The following TNFRSF10D variants were observed in gnomAD, a reference collection of about 807,000 sequenced individuals.
TNFRSF10D encodes tumor necrosis factor receptor superfamily member 10D.
A neutral mutation model predicts 42.1 loss-of-function variants in TNFRSF10D; 28 were observed. The observed-to-expected ratio is 0.66, with a 90% confidence interval of 0.49 to 0.91. TNFRSF10D has a LOEUF of 0.91. Ranked by LOEUF, TNFRSF10D falls within the 40% of genes least tolerant of loss-of-function variation. The probability of loss-of-function intolerance (pLI) is 0.00; values close to 1 mark genes in which losing one functional copy is unlikely to be tolerated. For missense variants in TNFRSF10D, 503 were observed against 486.1 expected, an observed-to-expected ratio of 1.03 and a Z score of -0.33; for synonymous variants, 186 against 189.4, an observed-to-expected ratio of 0.98 and a Z score of 0.15.
rs34427213 is a variant in TNFRSF10D at position 23,137,935 on chromosome 8, G to A, written c.1096C>T (p.Leu366=). ...TAAAAGAGCTTTTCGGAGCCCACCA[G>A]TTGGTCCTGAATTGTTTCCTTTGCA... ...GHAKETIQDQ[L]VGSEKLFYEE... Residue 366 remains leucine, a synonymous_variant, in exon 9 of 9, where the codon CTG becomes TTG. Transcript: ENST00000312584. 2,640 of 1,613,830 alleles carry A rather than the reference G, an allele frequency of 1.6e-3. No homozygotes were observed. The African/African-American group carries it at 0.019, about 12-fold the overall frequency.
At chr8:23,160,449 G>T (rs376949387) in intron 1 of TNFRSF10D, among the ~76,000 whole-genome samples, 3 of 152,304 alleles carry the variant, frequency 2.0e-5, no homozygotes, top group South Asian at 4.1e-4. Context: ...GAGAACTCTA[G>T]CCCTTCAGAG....
intron 7 of TNFRSF10D, among the ~76,000 whole-genome samples, chr8:23,141,525 A>G (rs887953574): frequency 3.1e-4 from 47 of 152,014 alleles, no homozygotes; most frequent in Non-Finnish European, 5.6e-4. Flanking sequence ...AAAAGTATCA[A>G]CAGAGTAACA....
At chr8:23,161,579 T>C (rs1018322104) in intron 1 of TNFRSF10D, among the ~76,000 whole-genome samples, 6 of 152,220 alleles carry the variant, frequency 3.9e-5, no homozygotes, top group African/African-American at 1.4e-4. Flanking sequence ...CAGTCTTCCC[T>C]GCCACCCTCC....
intron 2 of TNFRSF10D, among the ~76,000 whole-genome samples, chr8:23,151,416 T>C (rs1232387852): frequency 4.6e-5 from 7 of 151,796 alleles, no homozygotes; most frequent in Non-Finnish European, 1.0e-4. Context: ...AAGAGAGTTA[T>C]TCAATCTGAA....
chr8:23,143,206 G>A (rs1800057978), intron 7 of TNFRSF10D, among the ~76,000 whole-genome samples: 1 of 150,712 alleles, frequency 6.6e-6, no homozygotes, highest in African/African-American at 2.5e-5. Flanking sequence ...TCCATCTCTT[G>A]ACCTTGTGAT....
rs1814326971 is a variant in TNFRSF10D at position 23,136,315 on chromosome 8, C to T, written c.*1555G>A. On this transcript the variant is annotated 3_prime_UTR_variant, in exon 9 of 9. Transcript: ENST00000312584. The stretch of plus-strand genomic sequence containing the variant: ...TCACAGTGTTTAAGAATTGATATCT[C>T]TGAGATGAGTCAGATGCTTACAGAG... 1 of 223,322 alleles carries T rather than the reference C, an allele frequency of 4.5e-6. No individual in the cohort carries two copies. The highest frequency in any genetic ancestry group is 9.0e-6 in the Non-Finnish European group (1 of 111,456). The allele number at this position is 223,322 out of a possible 1,614,324, so 13.8% of individuals were successfully genotyped here. A position where few individuals can be genotyped will look rare whatever the true frequency, so the allele number is the denominator to read the frequency against.
At chr8:23,154,075 G>A (rs540766792) in intron 2 of TNFRSF10D, among the ~76,000 whole-genome samples, 935 of 152,248 alleles carry the variant, frequency 6.1e-3, no homozygotes, top group African/African-American at 0.019. Flanking sequence ...GTGACAGCAT[G>A]GATGAACCTG....
rs112110456 is a variant in TNFRSF10D, at chr8:23,144,382, TGTCC to T, written c.954+64_954+67del. ...GGCCAGGAAAGAGGAGGCACTGCCA[TGTCC>T]CACTGTCTACAAAGTCCTGTGCAGG... On this transcript the variant is annotated intron_variant, in intron 7 of 8. Coordinates refer to ENST00000312584, the MANE Select transcript of TNFRSF10D (RefSeq NM_003840.5). 2,631 of 1,536,054 alleles carry T rather than the reference TGTCC, an allele frequency of 1.7e-3. 15 individuals carry two copies. In the African/African-American group the frequency reaches 0.019, roughly 11 times the overall value.
At chr8:23,148,918 C>T (rs62501095) in intron 2 of TNFRSF10D, among the ~76,000 whole-genome samples, 26,219 of 151,066 alleles carry the variant, frequency 0.17, 2,841 homozygotes, top group Middle Eastern at 0.25. Context: ...TGGCCAGGCA[C>T]GGTGGCTCAC....
chr8:23,159,228 T>C (rs550707045), intron 1 of TNFRSF10D, among the ~76,000 whole-genome samples: 884 of 152,072 alleles, frequency 5.8e-3, no homozygotes, highest in African/African-American at 0.018. Flanking sequence ...GGCAGGACTA[T>C]ACATGTGAGC....
intron 3 of TNFRSF10D, among the ~76,000 whole-genome samples, chr8:23,147,574 C>A (rs934414055): frequency 2.6e-5 from 4 of 152,200 alleles, no homozygotes; most frequent in Non-Finnish European, 5.9e-5. Context: ...TGTAATGATG[C>A]CCCCACCCGG....
At chr8:23,153,896 G>T (rs145093698) in intron 2 of TNFRSF10D, among the ~76,000 whole-genome samples, 1 of 152,180 alleles carries the variant, frequency 6.6e-6, no homozygotes, top group Non-Finnish European at 1.5e-5. Context: ...AATGACATCA[G>T]TATGTTAAAG....
intron 7 of TNFRSF10D, among the ~76,000 whole-genome samples, chr8:23,142,282 G>A (rs879108568): frequency 1.4e-5 from 2 of 143,898 alleles, no homozygotes; most frequent in Non-Finnish European, 3.0e-5. Flanking sequence ...AAAAAAAAAA[G>A]GGAAAACAAA....
intron 2 of TNFRSF10D, 65 bp downstream of exon 2, chr8:23,154,809 C>A: frequency 6.7e-7 from 1 of 1,494,642 alleles, no homozygotes; most frequent in South Asian, 1.2e-5. Context: ...TGGTGTACAC[C>A]ATGAATATAT....
intron 6 of TNFRSF10D, 41 bp from the exon 7 acceptor site, chr8:23,144,676 C>T: frequency 6.3e-7 from 1 of 1,592,152 alleles, no homozygotes. Context: ...ACACCCCGGG[C>T]TCAGCTTCAG....
At chr8:23,153,011 T>C (rs546160742) in intron 2 of TNFRSF10D, among the ~76,000 whole-genome samples, 1 of 152,282 alleles carries the variant, frequency 6.6e-6, no homozygotes, top group East Asian at 1.9e-4. Context: ...AACTGAATAG[T>C]AATGGCATAA....
At chr8:23,144,720 A>T (rs928182795) in intron 6 of TNFRSF10D, 85 bp from the exon 7 acceptor site, 1 of 1,491,340 alleles carries the variant, frequency 6.7e-7, no homozygotes, top group African/African-American at 1.4e-5. Context: ...TGCCATCCCC[A>T]ACCCCTTCCA....
chr8:23,139,606 C>G (rs1403167283), intron 7 of TNFRSF10D, among the ~76,000 whole-genome samples: 1 of 152,116 alleles, frequency 6.6e-6, no homozygotes, highest in Non-Finnish European at 1.5e-5. Context: ...AAGCATTCCC[C>G]TTGAGAACTG....
At chr8:23,138,161 C>T in intron 8 of TNFRSF10D, 27 bp downstream of exon 8, 1 of 1,614,176 alleles carries the variant, frequency 6.2e-7, no homozygotes, top group Non-Finnish European at 8.5e-7. Flanking sequence ...TGTCCTCCTG[C>T]TGCGTCTCAA....
Sources: allele counts gnomAD v4.1 joint callset (sites outside exome capture counted in the v4.1 genomes callset), GRCh38; gene constraint gnomAD v4.1.1; transcripts MANE v1.5; gene names NCBI Gene and HGNC (gene_info 2026-07-23, HGNC 2026-07-21).